The following ANKRD2 variants were observed in gnomAD, a reference collection of about 807,000 sequenced individuals.
The protein encoded by ANKRD2 is ankyrin repeat domain 2.
Under a neutral mutation model 37.3 loss-of-function variants are expected in ANKRD2, and 35 were observed. The observed-to-expected ratio is 0.94, with a 90% confidence interval of 0.72 to 1.24. The LOEUF is 1.24. ANKRD2 is among the 50% of genes most tolerant of loss of function. ANKRD2 has a pLI of 0.00. For synonymous variants in ANKRD2, 159 were observed against 186.5 expected (o/e 0.85, Z 1.20); for missense variants, 410 against 445.6 (o/e 0.92, Z 0.72).
At chr10:97,580,206 G>C (rs1426915654) in intron 4 of ANKRD2, among the ~76,000 whole-genome samples, 1 of 152,198 alleles carries the variant, frequency 6.6e-6, no homozygotes, top group Non-Finnish European at 1.5e-5. Flanking sequence ...GACCAGGGTT[G>C]GTTCCTTGGG....
chr10:97,582,469 G>C (rs992017389), intron 7 of ANKRD2, 56 bp downstream of exon 7: 21 of 1,593,024 alleles, frequency 1.3e-5, no homozygotes, highest in Non-Finnish European at 1.8e-5. Flanking sequence ...CAGCCTGCGG[G>C]CCCCTACAGG....
Position 97,583,566 on chromosome 10 carries a change from C to T in ANKRD2, c.853-10C>T. On this transcript the variant is annotated splice_polypyrimidine_tract_variant and intron_variant, in intron 8 of 8. Coordinates refer to ENST00000370655, the MANE Select transcript of ANKRD2 (RefSeq NM_001346793.2). ...TTGCCAACCCCCACGCCCCGTCCCG[C>T]CCCCTCCAGGCAGGAAAGACCCCGA... 1.3e-6 allele frequency: 2 copies of T among 1,593,570 alleles called. No individual in the cohort carries two copies. The highest frequency in any genetic ancestry group is 2.3e-5 in the East Asian group (1 of 43,830).
In ANKRD2 at chr10:97,572,836, G is replaced by A. The variant is rs886087213; in HGVS notation, c.48G>A (p.Ala16=). ...CCGAGGCGGTGCAGAGGGCCACAGC[G>A]CTCATCGAGCAGCGGCTGGCACAGG... The part of the protein sequence containing the change: ...EDSEAVQRAT[A]LIEQRLAQEE... Residue 16 remains alanine, a synonymous_variant, in exon 1 of 9, where the codon GCG becomes GCA. Coordinates refer to ENST00000370655, the MANE Select transcript of ANKRD2 (RefSeq NM_001346793.2). 6.4e-6 allele frequency: 10 copies of A among 1,561,128 alleles called. No homozygotes were observed. The highest frequency in any genetic ancestry group is 4.7e-5 in the South Asian group (4 of 84,728).
At chr10:97,582,517 C>A in intron 7 of ANKRD2, 87 bp from the exon 8 acceptor site, 1 of 1,571,102 alleles carries the variant, frequency 6.4e-7, no homozygotes. Flanking sequence ...GACTTGGCTC[C>A]TGAGCAGGGT....
intron 2 of ANKRD2, 96 bp from the exon 3 acceptor site, chr10:97,578,144 G>GGGCCCCCCCCCCCCCCCCCCCC: frequency 1.6e-5 from 11 of 685,434 alleles, no homozygotes; most frequent in Non-Finnish European, 2.7e-5. Flanking sequence ...GGGTCTTCCT[G>GGGCCCCCCCCCCCCCCCCCCCC]CCCACCCCAC....
At position 97,580,953 on chromosome 10, in the gene ANKRD2, G is replaced by A. The variant is rs147793402; in HGVS notation, c.555G>A (p.Arg185=). 16 of 1,584,512 alleles carry A rather than the reference G, an allele frequency of 1.0e-5. No homozygotes were observed. In the African/African-American group the frequency reaches 1.9e-4, roughly 19 times the overall value. ...GGGCCACTGTGGACTTCCAGGATCG[G>A]GTGAGTGAGAGGGCAGGTATTCAAT... ...DNGATVDFQD[R]LDCTAMHWAC... is the part of the protein sequence containing the mutation. The change falls in exon 5 of 9, where the codon CGG becomes CGA. Residue 185 remains arginine (R), a splice_region_variant and synonymous_variant. Transcript: ENST00000370655.
At chr10:97,573,574 G>A (rs571823085) in intron 1 of ANKRD2, among the ~76,000 whole-genome samples, 1 of 152,114 alleles carries the variant, frequency 6.6e-6, no homozygotes, top group African/African-American at 2.4e-5. Context: ...TTACAGGCAT[G>A]CACCACCATG....
chr10:97,574,073 G>A (rs910767719), intron 1 of ANKRD2, among the ~76,000 whole-genome samples: 2 of 152,030 alleles, frequency 1.3e-5, no homozygotes, highest in African/African-American at 4.8e-5. Context: ...ATCACTTGAA[G>A]TCAAGAGTTC....
At chr10:97,576,951 G>T (rs1244577202) in intron 1 of ANKRD2, among the ~76,000 whole-genome samples, 1 of 151,960 alleles carries the variant, frequency 6.6e-6, no homozygotes, top group Non-Finnish European at 1.5e-5. Context: ...ACCTGCCTCG[G>T]CCTCCCAAAG....
At chr10:97,572,967 G>A (rs1180143795) in intron 1 of ANKRD2, 92 bp downstream of exon 1, 12 of 1,464,328 alleles carry the variant, frequency 8.2e-6, no homozygotes, top group Non-Finnish European at 1.0e-5. Flanking sequence ...CACCTGTGGT[G>A]GGGAGGGGGG....
intron 8 of ANKRD2, 145 bp downstream of exon 8, chr10:97,582,847 C>A (rs944807709): frequency 8.8e-6 from 6 of 684,054 alleles, no homozygotes; most frequent in Non-Finnish European, 1.5e-5. Context: ...TGTCCTCTTC[C>A]AGAGCACCAT....
chr10:97,581,236 G>A, intron 5 of ANKRD2, 80 bp from the exon 6 acceptor site: 1 of 1,416,218 alleles, frequency 7.1e-7, no homozygotes, highest in Non-Finnish European at 9.9e-7. Flanking sequence ...ATATCCCTCT[G>A]CCTTCCTGGC....
rs1402536169 is a variant in ANKRD2, at chr10:97,577,817, A to G, written c.105A>G (p.Ala35=). ...ATCACCAGAAACTCCGAGGAGACGCACGCCAGAAGCTGCCCATGGACTTGC... is the reference window on the plus strand; with the variant it reads ...ATCACCAGAAACTCCGAGGAGACGCGCGCCAGAAGCTGCCCATGGACTTGC... ...EEENEKLRGD[A]RQKLPMDLLV... is the part of the protein sequence containing the mutation. Residue 35 remains alanine, a synonymous_variant, in exon 2 of 9, where the codon GCA becomes GCG. Transcript: ENST00000370655. The G allele has an allele frequency of 1.3e-6, 2 of 1,567,256 alleles. No homozygotes were observed. The highest frequency in any genetic ancestry group is 1.2e-5 in the South Asian group (1 of 85,118).
At position 97,583,630 on chromosome 10, in the gene ANKRD2, G is replaced by T. The variant is rs368630525; in HGVS notation, c.907G>T (p.Ala303Ser). The T allele has an allele frequency of 1.2e-6, 2 of 1,606,030 alleles. No individual in the cohort carries two copies. Among genetic ancestry groups the T allele is most frequent in the Non-Finnish European group, 1.7e-6 (2 of 1,176,894 alleles). Residue 303 changes from alanine (A) to serine (S), a missense_variant, in exon 9 of 9, where the codon GCC becomes TCC. Ala to Ser is a moderately conservative substitution (Grantham distance 99, BLOSUM62 1). Coordinates refer to ENST00000370655, the MANE Select transcript of ANKRD2 (RefSeq NM_001346793.2). Reference protein sequence around the residue: ...VQLWQADTRHALEHPEPGAEH... With the variant: ...VQLWQADTRHSLEHPEPGAEH... ...GCTCTGGCAGGCTGATACCCGGCAC[G>T]CCCTGGAGCATCCTGAGCCGGGGGC...
At chr10:97,575,926 A>C (rs1391331679) in intron 1 of ANKRD2, among the ~76,000 whole-genome samples, 1 of 144,216 alleles carries the variant, frequency 6.9e-6, no homozygotes, top group East Asian at 2.0e-4. Context: ...AAAAAAAAAA[A>C]TACACAAGCT....
Position 97,572,804 on chromosome 10 carries a change from G to A in ANKRD2, c.16G>A (p.Glu6Lys). 1.9e-6 allele frequency: 3 copies of A among 1,577,298 alleles called. No homozygotes were observed. Among genetic ancestry groups the A allele is most frequent in the Non-Finnish European group, 2.6e-6 (3 of 1,161,828 alleles). MDGTM[E>K]DSEAVQRATA... ...AGAGGCGGTTATGGACGGCACCATG[G>A]AGGACTCCGAGGCGGTGCAGAGGGC... is the stretch of plus-strand genomic sequence containing the variant. The change falls in exon 1 of 9, where the codon GAG becomes AAG. Residue 6 changes from glutamate to lysine, a missense_variant. Coordinates refer to ENST00000370655, the MANE Select transcript of ANKRD2 (RefSeq NM_001346793.2).
chr10:97,578,165 A>AAT, intron 2 of ANKRD2, 75 bp from the exon 3 acceptor site: 1 of 261,864 alleles, frequency 3.8e-6, no homozygotes, highest in Non-Finnish European at 7.3e-6. Flanking sequence ...CCTCCCCACC[A>AAT]GCTTAGCTCA....
At chr10:97,576,667 A>T (rs988819782) in intron 1 of ANKRD2, among the ~76,000 whole-genome samples, 14 of 109,108 alleles carry the variant, frequency 1.3e-4, no homozygotes, top group African/African-American at 3.8e-4. Context: ...TTTAAAACTT[A>T]TTTTATTTAT....
At position 97,572,985 on chromosome 10, in the gene ANKRD2, C is replaced by T. The variant is rs1022026327; in HGVS notation, c.87+110C>T. On this transcript the variant is annotated intron_variant, in intron 1 of 8. Transcript: ENST00000370655. ...CTGTGGTGGGGAGGGGGGCAGATGT[C>T]CCCAGGGGCCCAGTTGGGCCTCATT... The T allele has an allele frequency of 2.9e-6, 4 of 1,387,590 alleles. No individual in the cohort carries two copies. The African/African-American group carries it at 5.8e-5, about 20-fold the overall frequency. The allele number at this position is 1,387,590 out of a possible 1,614,324, so 86.0% of individuals were successfully genotyped here.
Sources: allele counts gnomAD v4.1 joint callset (sites outside exome capture counted in the v4.1 genomes callset), GRCh38; gene constraint gnomAD v4.1.1; transcripts MANE v1.5; gene names NCBI Gene and HGNC (gene_info 2026-07-23, HGNC 2026-07-21).